The following AKAP7 variants were observed in gnomAD, a reference collection of about 807,000 sequenced individuals.
The protein encoded by AKAP7 is A kinase (PRKA) anchor protein 7.
A neutral mutation model predicts 39.5 loss-of-function variants in AKAP7; 39 were observed. That is an observed-to-expected ratio of 0.99 (90% CI 0.76 to 1.29). AKAP7 has a LOEUF of 1.29. Ranked by LOEUF, AKAP7 falls within the 50% of genes most tolerant of loss-of-function variation. The probability of loss-of-function intolerance (pLI) is 0.00; values close to 1 mark genes in which losing one functional copy is unlikely to be tolerated. For synonymous variants in AKAP7, 140 were observed against 139.1 expected (o/e 1.01, Z -0.05); for missense variants, 414 against 407.7 (o/e 1.02, Z -0.13).
chr6:131,201,798 G>C (rs2128283115), intron 6 of AKAP7, among the ~76,000 whole-genome samples: 1 of 152,160 alleles, frequency 6.6e-6, no homozygotes, highest in African/African-American at 2.4e-5. Context: ...TCCAGTTTCA[G>C]CTTTCTACAT....
At chr6:131,138,109 A>G (rs1584922371) in intron 1 of AKAP7, among the ~76,000 whole-genome samples, 1 of 151,084 alleles carries the variant, frequency 6.6e-6, no homozygotes, top group Non-Finnish European at 1.5e-5. Context: ...TGTTCCCCCC[A>G]CCCGTTCCAC....
chr6:131,205,787 TA>T (rs1179613493), intron 6 of AKAP7, among the ~76,000 whole-genome samples: 4 of 152,192 alleles, frequency 2.6e-5, no homozygotes, highest in African/African-American at 9.6e-5. Flanking sequence ...TTTTGCATAA[TA>T]AAACATCAAA....
At position 131,135,515 on chromosome 6, in the gene AKAP7, C is replaced by T. The variant is rs1375111361; in HGVS notation, c.-249C>T. Reference sequence around the variant, plus strand: ...TGGCATGCGGGTGCTGCGGCTGCTGCGGCTGCCGCCGCCGCTGCTGCCGCT... The same window carrying T: ...TGGCATGCGGGTGCTGCGGCTGCTGTGGCTGCCGCCGCCGCTGCTGCCGCT... On this transcript the variant is annotated 5_prime_UTR_variant, in exon 1 of 8. Coordinates refer to ENST00000431975, the MANE Select transcript of AKAP7 (RefSeq NM_016377.4). 2.0e-5 allele frequency among the ~76,000 whole-genome samples: 3 copies of T among 149,666 alleles called. No homozygotes were observed. The highest frequency in any genetic ancestry group is 3.0e-5 in the Non-Finnish European group (2 of 66,646).
chr6:131,134,461 A>G (rs1800403213), upstream of AKAP7, among the ~76,000 whole-genome samples: 1 of 152,134 alleles, frequency 6.6e-6, no homozygotes, highest in Admixed American at 6.5e-5. Flanking sequence ...CTTCACTATG[A>G]ATGTGGACCA....
chr6:131,149,083 G>A (rs1173454165), intron 2 of AKAP7, among the ~76,000 whole-genome samples: 1 of 152,190 alleles, frequency 6.6e-6, no homozygotes, highest in Non-Finnish European at 1.5e-5. Flanking sequence ...CCCTTGAAAC[G>A]GTTAGTGTCT....
intron 7 of AKAP7, among the ~76,000 whole-genome samples, chr6:131,280,928 A>G (rs1815146144): frequency 6.6e-6 from 1 of 152,200 alleles, no homozygotes; most frequent in African/African-American, 2.4e-5. Flanking sequence ...TCTTTAAAGA[A>G]TTTCCTATTT....
chr6:131,275,683 T>C (rs1319250333), intron 7 of AKAP7, among the ~76,000 whole-genome samples: 1 of 152,098 alleles, frequency 6.6e-6, no homozygotes, highest in Non-Finnish European at 1.5e-5. Context: ...GATGTGACCA[T>C]ATGAGGAGCC....
chr6:131,218,234 C>T lies in AKAP7; in HGVS notation c.703-1427C>T, dbSNP rs368120965. On this transcript the variant is annotated intron_variant, in intron 6 of 7. Transcript: ENST00000431975. ...TAAAAATTAAGATCAACCTAAATGT[C>T]CAACAGTAAATAATTGGATGAATAA... 2.6e-5 allele frequency among the ~76,000 whole-genome samples: 4 copies of T among 152,120 alleles called. No individual in the cohort carries two copies. The South Asian group carries it at 8.3e-4, about 32-fold the overall frequency.
At position 131,282,591 on chromosome 6, in the gene AKAP7, C is replaced by A. The variant is rs1176053515; in HGVS notation, c.*865C>A. 2 of 1,534,858 alleles carry A rather than the reference C, an allele frequency of 1.3e-6. No homozygotes were observed. The highest frequency in any genetic ancestry group is 1.7e-6 in the Non-Finnish European group (2 of 1,146,106). On this transcript the variant is annotated 3_prime_UTR_variant, in exon 8 of 8. Coordinates refer to ENST00000431975, the MANE Select transcript of AKAP7 (RefSeq NM_016377.4). ...TCAGCAAATGACGTTGATTTCAGCA[C>A]AACTTTGACATAAGCTCTACATTGC... is the stretch of plus-strand genomic sequence containing the variant.
At chr6:131,197,132 G>A (rs1807017788) in intron 5 of AKAP7, among the ~76,000 whole-genome samples, 1 of 151,470 alleles carries the variant, frequency 6.6e-6, no homozygotes, top group Non-Finnish European at 1.5e-5. Context: ...TTGCTTAATG[G>A]ATCATGGCCA....
At position 131,224,439 on chromosome 6, in the gene AKAP7, A is replaced by G. The variant is rs1809972272; in HGVS notation, c.850+4631A>G. On this transcript the variant is annotated intron_variant, in intron 7 of 7. Coordinates refer to ENST00000431975, the MANE Select transcript of AKAP7 (RefSeq NM_016377.4). Reference sequence around the variant, plus strand: ...CGTGGGACAGATTTCTGATCTTAAGATATTATTCAGAGTTCTAGGATAGAA... The same window carrying G: ...CGTGGGACAGATTTCTGATCTTAAGGTATTATTCAGAGTTCTAGGATAGAA... Among the ~76,000 whole-genome samples the G allele has an allele frequency of 2.0e-5, 3 of 152,116 alleles. No homozygotes were observed. In the South Asian group the frequency reaches 6.2e-4, roughly 32 times the overall value.
intron 7 of AKAP7, among the ~76,000 whole-genome samples, chr6:131,274,412 A>G (rs1279004590): frequency 6.6e-6 from 1 of 152,100 alleles, no homozygotes; most frequent in Non-Finnish European, 1.5e-5. Flanking sequence ...TAGTATTCCT[A>G]TTCAACTCTT....
rs1021404890 is a variant in AKAP7, at chr6:131,202,942, G to T, written c.702+3369G>T. On this transcript the variant is annotated intron_variant, in intron 6 of 7. Coordinates refer to ENST00000431975, the MANE Select transcript of AKAP7 (RefSeq NM_016377.4). ...TATGGGGATTCGCAAGTCAGCCGGC[G>T]TACTGGTTGAAGCTTCAGATTTCCA... Among the ~76,000 whole-genome samples the T allele has an allele frequency of 5.3e-5, 8 of 152,008 alleles. 1 individual carries two copies. The highest frequency in any genetic ancestry group is 1.9e-4 in the African/African-American group (8 of 41,398).
chr6:131,260,996 A>G (rs897158273), intron 7 of AKAP7, among the ~76,000 whole-genome samples: 12 of 152,132 alleles, frequency 7.9e-5, no homozygotes, highest in Non-Finnish European at 1.6e-4. Flanking sequence ...TGGGAGTTTG[A>G]GACCAGCCTG....
At position 131,281,936 on chromosome 6, in the gene AKAP7, T is replaced by C; in HGVS notation, c.*210T>C. On this transcript the variant is annotated 3_prime_UTR_variant, in exon 8 of 8. Transcript: ENST00000431975. This position sits in a 1 kb window ranked among gnomAD's most constrained non-coding sequence, Gnocchi z 4.0. ...GCTGGGACTGGCAGAGGAAATTAAT[T>C]GATGAAAGAAGAATGGCCCAAGTTT... 1.6e-6 allele frequency: 2 copies of C among 1,232,454 alleles called. No individual in the cohort carries two copies. The highest frequency in any genetic ancestry group is 2.0e-6 in the Non-Finnish European group (2 of 987,360). The allele number at this position is 1,232,454 out of a possible 1,614,324, so 76.3% of individuals were successfully genotyped here.
chr6:131,156,977 G>A (rs907768008), intron 2 of AKAP7, among the ~76,000 whole-genome samples: 60 of 151,990 alleles, frequency 3.9e-4, no homozygotes, highest in African/African-American at 1.4e-3. Context: ...GGGTTTCACC[G>A]TGTTAGCCAG....
At chr6:131,212,002 CT>C (rs1413456488) in intron 6 of AKAP7, among the ~76,000 whole-genome samples, 2 of 152,188 alleles carry the variant, frequency 1.3e-5, no homozygotes, top group Non-Finnish European at 2.9e-5. Flanking sequence ...GCAAAATCAT[CT>C]AACACAAAAC....
Position 131,187,962 on chromosome 6 carries a change from G to A in AKAP7, c.590-11499G>A, listed in dbSNP as rs569976973. 8.5e-5 allele frequency among the ~76,000 whole-genome samples: 13 copies of A among 152,338 alleles called. No homozygotes were observed. The South Asian group carries it at 1.7e-3, about 19-fold the overall frequency. ...TGGTCTCATCACTTTTACTATCAGT[G>A]TTAAGTGATGTGTCTAGGAGCACAA... On this transcript the variant is annotated intron_variant, in intron 5 of 7. Coordinates refer to ENST00000431975, the MANE Select transcript of AKAP7 (RefSeq NM_016377.4).
Position 131,282,457 on chromosome 6 carries a change from G to A in AKAP7, c.*731G>A, listed in dbSNP as rs748188643. ...ATGAAGCTTTGCATCGAGAAACGAT[G>A]GGTCTGAAGTCCAAAGTGAAACAGA... On this transcript the variant is annotated 3_prime_UTR_variant, in exon 8 of 8. Coordinates refer to ENST00000431975, the MANE Select transcript of AKAP7 (RefSeq NM_016377.4). The A allele has an allele frequency of 5.9e-6, 9 of 1,531,746 alleles. No homozygotes were observed. In the South Asian group the frequency reaches 1.1e-4, roughly 18 times the overall value. The allele number at this position is 1,531,746 out of a possible 1,614,324, so 94.9% of individuals were successfully genotyped here.
Sources: allele counts gnomAD v4.1 joint callset (sites outside exome capture counted in the v4.1 genomes callset), GRCh38; gene constraint gnomAD v4.1.1; non-coding constraint Gnocchi (gnomAD v3.1); transcripts MANE v1.5; gene names NCBI Gene and HGNC (gene_info 2026-07-23, HGNC 2026-07-21).